Variants in REV3L observed in about 807,000 individuals in gnomAD.
REV3L encodes the protein DNA polymerase zeta catalytic subunit.
A neutral mutation model predicts 299.4 loss-of-function variants in REV3L; 69 were observed. The observed-to-expected ratio is 0.23, with a 90% CI of 0.19 to 0.28. The LOEUF (loss-of-function observed/expected upper bound fraction) is 0.28. Ranked by LOEUF, REV3L falls within the 10% of genes least tolerant of loss-of-function variation. The pLI is 1.00. For missense variants in REV3L, 3,128 were observed against 3,693.8 expected, an observed-to-expected ratio of 0.85 and a Z score of 3.97; for synonymous variants, 1,238 against 1,271.4, an observed-to-expected ratio of 0.97 and a Z score of 0.56.
chr6:111,335,908 T>C (rs1775846885), intron 21 of REV3L, among the ~76,000 whole-genome samples: 1 of 152,120 alleles, frequency 6.6e-6, no homozygotes, highest in Admixed American at 6.5e-5. Context: ...ATTCTTTTTT[T>C]TTCTATTCTT....
chr6:111,330,883 TC>T, intron 24 of REV3L: 1 of 607,542 alleles, frequency 1.6e-6, no homozygotes, highest in Non-Finnish European at 2.1e-6. Flanking sequence ...TACCATGAAC[TC>T]TTTGGTTAAA....
chr6:111,426,287 A>C (rs1021811028), intron 1 of REV3L, among the ~76,000 whole-genome samples: 3 of 152,208 alleles, frequency 2.0e-5, no homozygotes, highest in Admixed American at 1.3e-4. Context: ...TCTTTTTCAA[A>C]TTGGGTGGCC....
intron 1 of REV3L, among the ~76,000 whole-genome samples, chr6:111,428,541 AAAAC>A (rs1321752677): frequency 1.3e-5 from 2 of 152,192 alleles, no homozygotes; most frequent in African/African-American, 2.4e-5. Context: ...TAATACAAAG[AAAAC>A]AAACAGAAAT....
intron 29 of REV3L, 61 bp from the exon 30 acceptor site, chr6:111,310,160 C>A: frequency 6.9e-7 from 1 of 1,455,760 alleles, no homozygotes. Flanking sequence ...ATCTTTCTCA[C>A]AAATTAAGTC....
chr6:111,457,810 T>C (rs1790323495), intron 1 of REV3L, among the ~76,000 whole-genome samples: 2 of 151,840 alleles, frequency 1.3e-5, no homozygotes, highest in Non-Finnish European at 2.9e-5. Context: ...CTAAGAATTT[T>C]CCAAATTAAG....
chr6:111,399,937 A>G (rs1233878900), intron 4 of REV3L, among the ~76,000 whole-genome samples: 1 of 152,170 alleles, frequency 6.6e-6, no homozygotes, highest in Non-Finnish European at 1.5e-5. Flanking sequence ...CCTCTCTCCT[A>G]AACCCTAACA....
rs1771318603 is a variant in REV3L, at chr6:111,300,161, A to G, written c.9253-5T>C. 1 of 1,568,152 alleles carries G rather than the reference A, an allele frequency of 6.4e-7. No individual in the cohort carries two copies. The highest frequency in any genetic ancestry group is 8.6e-7 in the Non-Finnish European group (1 of 1,162,432). On this transcript the variant is annotated splice_polypyrimidine_tract_variant and splice_region_variant and intron_variant, in intron 31 of 31. Coordinates refer to ENST00000368802, the MANE Select transcript of REV3L (RefSeq NM_001372078.1). The stretch of plus-strand genomic sequence containing the variant: ...ACCTGTACAGTTCTTGCATATCTGA[A>G]AGCATAAGAGAAATACAAAAAATAA...
intron 9 of REV3L, among the ~76,000 whole-genome samples, chr6:111,382,826 G>A (rs544854612): frequency 2.6e-5 from 4 of 152,058 alleles, no homozygotes; most frequent in South Asian, 2.1e-4. Flanking sequence ...AGCACAACTC[G>A]CAGCTCCAGA....
rs17510719 is a variant in REV3L, at chr6:111,390,292, T to C, written c.663-112A>G. 3,346 of 653,698 alleles carry C rather than the reference T, an allele frequency of 5.1e-3. 27 individuals are homozygous for C. The highest frequency in any genetic ancestry group is 0.026 in the African/African-American group (1,425 of 54,576). 40.5% of individuals were successfully genotyped at this position (653,698 alleles called of 1,614,324 possible). On this transcript the variant is annotated intron_variant, in intron 5 of 31. Transcript: ENST00000368802. ...TAGCTTGTACCCAGAAAACCTGATA[T>C]ATTAATTCACAATTATTCTGACAAA...
chr6:111,333,284 C>T lies in REV3L; in HGVS notation c.7764G>A (p.Gln2588=), dbSNP rs772850133. 1.2e-5 allele frequency: 19 copies of T among 1,614,088 alleles called. 1 individual carries two copies. In the South Asian group the frequency reaches 2.0e-4, roughly 17 times the overall value. The stretch of plus-strand genomic sequence containing the variant: ...GAGGAACACACTGTGGGGCTCTCAT[C>T]TGGGATCTTTGCTGAACACTAGGTG... The part of the protein sequence containing the change: ...PVTPSVQQRS[Q]MRAPQCVPLI... Residue 2588 remains glutamine, a synonymous_variant, in exon 23 of 32, where the codon CAG becomes CAA. Transcript: ENST00000368802.
rs146824299 is a variant in REV3L at position 111,462,870 on chromosome 6, G to A, written c.139+19880C>T. On this transcript the variant is annotated intron_variant, in intron 1 of 31. Coordinates refer to ENST00000368802, the MANE Select transcript of REV3L (RefSeq NM_001372078.1). ...CCACAGAATGTAAGTACAACACCCC[G>A]TTAGGCCTAACTAGACACCGAGACT... Among the ~76,000 whole-genome samples, 294 of 151,800 alleles carry A rather than the reference G, an allele frequency of 1.9e-3. 1 individual carries two copies. The highest frequency in any genetic ancestry group is 5.7e-3 in the African/African-American group (234 of 41,366).
chr6:111,307,390 A>G lies in REV3L; in HGVS notation c.9223T>C (p.Leu3075=). Reference sequence around the variant, plus strand: ...ACAAGTTGCTCCTGTTGACGTTCCAACTCCCGGATTTCTTGGTTGAGGATG... The same window carrying G: ...ACAAGTTGCTCCTGTTGACGTTCCAGCTCCCGGATTTCTTGGTTGAGGATG... ...AVILNQEIRE[L]ERQQEQLVKI... is the part of the protein sequence containing the mutation. The change falls in exon 31 of 32, where the codon TTG becomes CTG. Residue 3075 remains leucine (L), a synonymous_variant. Transcript: ENST00000368802. The G allele has an allele frequency of 1.2e-6, 2 of 1,613,936 alleles. No homozygotes were observed. Among genetic ancestry groups the G allele is most frequent in the East Asian group, 2.2e-5 (1 of 44,862 alleles).
In REV3L at chr6:111,374,284, AT is replaced by A; in HGVS notation, c.4070del (p.Asn1357IlefsTer12). The A allele has an allele frequency of 6.2e-7, 1 of 1,613,710 alleles. No homozygotes were observed. ...TLKESTLIQK[N>X]IFDLSNHLSQ... ...ATAAATGATTGGAAAGGTCAAATAT[AT>A]TTTTTTGAATTAACGTTGATTCCTT... On this transcript the variant is annotated frameshift_variant, in exon 13 of 32. Coordinates refer to ENST00000368802, the MANE Select transcript of REV3L (RefSeq NM_001372078.1). LOFTEE classifies it high-confidence loss of function.
intron 1 of REV3L, among the ~76,000 whole-genome samples, chr6:111,465,203 CCT>C (rs1003736789): frequency 4.0e-5 from 6 of 150,522 alleles, no homozygotes; most frequent in Admixed American, 2.0e-4. Context: ...GGCTCAGCCC[CCT>C]GAGTAGCCAG....
intron 1 of REV3L, among the ~76,000 whole-genome samples, chr6:111,422,651 TATATATATATAC>T (rs1562287702): frequency 0.028 from 997 of 35,512 alleles, 180 homozygotes; most frequent in Non-Finnish European, 0.06. Flanking sequence ...TATATATACA[TATATATATATAC>T]ATATATATAT....
At chr6:111,407,225 A>C (rs1412167262) in intron 3 of REV3L, among the ~76,000 whole-genome samples, 1 of 152,216 alleles carries the variant, frequency 6.6e-6, no homozygotes, top group Non-Finnish European at 1.5e-5. Context: ...ATTGTTTAGA[A>C]GCTCTAGAGA....
intron 1 of REV3L, among the ~76,000 whole-genome samples, chr6:111,442,496 C>A (rs574846782): frequency 1.3e-5 from 2 of 152,280 alleles, no homozygotes; most frequent in South Asian, 4.1e-4. Context: ...AAGTACATTT[C>A]TCCACTGTTT....
chr6:111,389,364 T>C (rs1436496628), intron 6 of REV3L, among the ~76,000 whole-genome samples, 154 bp from the exon 7 acceptor site: 1 of 152,216 alleles, frequency 6.6e-6, no homozygotes, highest in Non-Finnish European at 1.5e-5. Context: ...ACTTACTATG[T>C]TACTCCTTTT....
intron 4 of REV3L, among the ~76,000 whole-genome samples, chr6:111,396,102 CT>C (rs1782472352): frequency 6.6e-6 from 1 of 152,176 alleles, no homozygotes; most frequent in East Asian, 1.9e-4. Flanking sequence ...TCTTGGCTTA[CT>C]GTAACCTCCG....
Sources: allele counts gnomAD v4.1 joint callset (sites outside exome capture counted in the v4.1 genomes callset), GRCh38; gene constraint gnomAD v4.1.1; transcripts MANE v1.5; gene names NCBI Gene and HGNC (gene_info 2026-07-23, HGNC 2026-07-21).